SMARCA4: variants seen among roughly 807,000 people sequenced by gnomAD.
The protein encoded by SMARCA4 is SWI/SNF-related matrix-associated actin-dependent regulator of chromatin subfamily A member 4.
Under a neutral mutation model 193.9 loss-of-function variants are expected in SMARCA4, and 31 were observed. The observed-to-expected ratio is 0.16, with a 90% CI of 0.12 to 0.22. SMARCA4 has a LOEUF of 0.22. SMARCA4 is among the 10% of genes least tolerant of loss of function. SMARCA4 has a pLI of 1.00. For missense variants in SMARCA4, 1,148 were observed against 2,296.0 expected (o/e 0.50, Z 10.22); for synonymous variants, 942 against 933.1 (o/e 1.01, Z -0.17).
intron 33 of SMARCA4, 62 bp from the exon 34 acceptor site, chr19:11,059,983 T>C: frequency 6.2e-7 from 1 of 1,610,948 alleles, no homozygotes; most frequent in South Asian, 1.1e-5. Context: ...CAGACGCCCC[T>C]TGCTGTGGGG....
At chr19:10,979,731 T>C (rs971963585) in intron 1 of SMARCA4, among the ~76,000 whole-genome samples, 5 of 151,096 alleles carry the variant, frequency 3.3e-5, no homozygotes, top group East Asian at 1.9e-4. Flanking sequence ...ATATAATATA[T>C]GTATTATAGA....
intron 24 of SMARCA4, among the ~76,000 whole-genome samples, chr19:11,028,319 G>A (rs781187574): frequency 2.4e-4 from 36 of 152,180 alleles, no homozygotes; most frequent in Non-Finnish European, 2.2e-4. Flanking sequence ...CATCCTTCAG[G>A]CACAGCTGGA....
chr19:11,055,054 C>G (rs183976847), intron 30 of SMARCA4, among the ~76,000 whole-genome samples: 1 of 152,168 alleles, frequency 6.6e-6, no homozygotes, highest in African/African-American at 2.4e-5. Flanking sequence ...GCAGGGAAGC[C>G]TGAGGACAGG....
At chr19:11,048,150 A>G (rs892459805) in intron 30 of SMARCA4, among the ~76,000 whole-genome samples, 4 of 152,198 alleles carry the variant, frequency 2.6e-5, no homozygotes, top group Non-Finnish European at 5.9e-5. Context: ...GACACAGCTA[A>G]CAGCTCACTT....
rs772585056 is a variant in SMARCA4, at chr19:11,041,599, C to T, written c.4424+39C>T. On this transcript the variant is annotated intron_variant, in intron 30 of 34. Coordinates refer to ENST00000344626, the MANE Select transcript of SMARCA4 (RefSeq NM_003072.5). This position sits in a 1 kb window ranked among gnomAD's most constrained non-coding sequence, Gnocchi z 5.6. ...CGGGGAGGGCGGGGGCTGTAGGGGT[C>T]CCCGTGGGAGCAGGCCTGGCATCTG... The T allele has an allele frequency of 6.3e-6, 10 of 1,596,126 alleles. No individual in the cohort carries two copies. Among genetic ancestry groups the T allele is most frequent in the South Asian group, 2.2e-5 (2 of 90,628 alleles).
At chr19:11,029,873 A>G (rs1396910213) in intron 24 of SMARCA4, among the ~76,000 whole-genome samples, 1 of 151,956 alleles carries the variant, frequency 6.6e-6, no homozygotes, top group East Asian at 1.9e-4. Context: ...ACGGGGTTTC[A>G]CCATGTTGGC....
At chr19:11,023,469 G>T (rs375767615) in intron 19 of SMARCA4, 49 bp from the exon 20 acceptor site, 1 of 1,199,058 alleles carries the variant, frequency 8.3e-7, no homozygotes, top group Non-Finnish European at 1.2e-6. Flanking sequence ...GACCTCTGTC[G>T]CCCTCCTTTG....
rs1266909851 is a variant in SMARCA4, at chr19:11,035,251, TG to T, written c.4170+121del. On this transcript the variant is annotated intron_variant, in intron 29 of 34. Transcript: ENST00000344626. ...CAAAATGCTTTCCTTGGGCCACTCC[TG>T]GCCAGGCTCCGCAGGCAGCCGAGAG... The T allele has an allele frequency of 1.8e-5, 17 of 955,168 alleles. No individual in the cohort carries two copies. In the East Asian group the frequency reaches 2.9e-4, roughly 16 times the overall value. The allele number at this position is 955,168 out of a possible 1,614,324, so 59.2% of individuals were successfully genotyped here.
rs377511733 is a variant in SMARCA4, at chr19:10,987,757, C to T, written c.951C>T (p.Ala317=). The stretch of plus-strand genomic sequence containing the variant: ...GCCGCCCTTCCCCCGCGCCCCCTGC[C>T]GTCCCACCCGCCGCCTCGCCCGTGA... ...PTGRPSPAPP[A]VPPAASPVMP... is the part of the protein sequence containing the mutation. Residue 317 remains alanine, a synonymous_variant, in exon 6 of 35, where the codon GCC becomes GCT. Coordinates refer to ENST00000344626, the MANE Select transcript of SMARCA4 (RefSeq NM_003072.5). This position sits in a 1 kb window ranked among gnomAD's most constrained non-coding sequence, Gnocchi z 5.3. The T allele has an allele frequency of 8.7e-5, 139 of 1,600,240 alleles. No individual in the cohort carries two copies. Among genetic ancestry groups the T allele is most frequent in the Admixed American group, 3.4e-4 (20 of 58,746 alleles).
chr19:10,978,805 C>T (rs1394926803), intron 1 of SMARCA4, among the ~76,000 whole-genome samples: 2 of 151,044 alleles, frequency 1.3e-5, no homozygotes, highest in African/African-American at 4.9e-5. Flanking sequence ...ATATTTTAGC[C>T]AGGTATAGTG....
chr19:11,052,136 A>T (rs1228049952), intron 30 of SMARCA4, among the ~76,000 whole-genome samples: 1 of 152,128 alleles, frequency 6.6e-6, no homozygotes, highest in Non-Finnish European at 1.5e-5. Flanking sequence ...GACAGGAGGG[A>T]TGAAGTAGAA....
In SMARCA4 at chr19:10,985,341, G is replaced by A. The variant is rs753861666; in HGVS notation, c.291G>A (p.Gly97=). The change falls in exon 3 of 35, where the codon GGG becomes GGA. Residue 97 remains glycine, a synonymous_variant. Transcript: ENST00000344626. This position sits in a 1 kb window ranked among gnomAD's most constrained non-coding sequence, Gnocchi z 4.5. The part of the protein sequence containing the change: ...DPRYNQMKGM[G]MRSGGHAGMG... ...GCTACAACCAGATGAAAGGAATGGG[G>A]ATGCGGTCAGGGGGCCATGCTGGGA... 6.2e-7 allele frequency: 1 copy of A among 1,614,088 alleles called. No homozygotes were observed. Among genetic ancestry groups the A allele is most frequent in the South Asian group, 1.1e-5 (1 of 91,086 alleles).
intron 30 of SMARCA4, among the ~76,000 whole-genome samples, chr19:11,055,061 C>G (rs2076464720): frequency 6.6e-6 from 1 of 152,180 alleles, no homozygotes; most frequent in Non-Finnish European, 1.5e-5. Flanking sequence ...AGCCTGAGGA[C>G]AGGACCTCCA....
At chr19:10,999,569 G>T (rs1341691237) in intron 11 of SMARCA4, among the ~76,000 whole-genome samples, 1 of 151,574 alleles carries the variant, frequency 6.6e-6, no homozygotes, top group Non-Finnish European at 1.5e-5. Context: ...GAGGTGGGAG[G>T]ATCACTTGAG....
chr19:11,004,147 G>T (rs1192709109), intron 13 of SMARCA4, among the ~76,000 whole-genome samples: 1 of 152,056 alleles, frequency 6.6e-6, no homozygotes, highest in East Asian at 1.9e-4. Flanking sequence ...CTCCCTAGTA[G>T]CTGGGACTTC....
At chr19:11,002,040 C>T (rs1196476498) in intron 11 of SMARCA4, among the ~76,000 whole-genome samples, 7 of 151,962 alleles carry the variant, frequency 4.6e-5, no homozygotes, top group South Asian at 2.1e-4. Context: ...ATTATATAAC[C>T]GTTAGTGTAA....
At chr19:10,991,610 G>T (rs1309456190) in intron 8 of SMARCA4, among the ~76,000 whole-genome samples, 1 of 152,234 alleles carries the variant, frequency 6.6e-6, no homozygotes, top group Non-Finnish European at 1.5e-5. Flanking sequence ...TAGAACTGAT[G>T]TTGGGGGAGT....
rs1239674103 is a variant in SMARCA4 at position 11,019,850 on chromosome 19, C to T, written c.2616+149C>T. 2 of 693,088 alleles carry T rather than the reference C, an allele frequency of 2.9e-6. No individual in the cohort carries two copies. The highest frequency in any genetic ancestry group is 1.6e-5 in the South Asian group (1 of 63,140). The allele number at this position is 693,088 out of a possible 1,614,324, so 42.9% of individuals were successfully genotyped here. A position where few individuals can be genotyped will look rare whatever the true frequency, so the allele number is the denominator to read the frequency against. ...ACAGCTGCCCTGTGTAGGGGAAAGG[C>T]CTAGGTGGGGGCGACCTCAGGTTTA... On this transcript the variant is annotated intron_variant, in intron 18 of 34. Transcript: ENST00000344626. This position sits in a 1 kb window ranked among gnomAD's most constrained non-coding sequence, Gnocchi z 6.1.
At chr19:10,996,619 G>C (rs45618443) in intron 11 of SMARCA4, 75 bp downstream of exon 11, 62 of 1,372,030 alleles carry the variant, frequency 4.5e-5, no homozygotes, top group Non-Finnish European at 6.4e-5. Flanking sequence ...TTTAAAACCT[G>C]TGTTCTTTTA....
Sources: gnomAD v4.1 joint callset for allele counts (sites outside exome capture counted in the v4.1 genomes callset) on GRCh38, gnomAD v4.1.1 for gene constraint, Gnocchi (gnomAD v3.1) non-coding constraint, MANE v1.5 for transcripts, NCBI Gene and HGNC (gene_info 2026-07-23, HGNC 2026-07-21) for gene names.